MICAL2: variants seen among roughly 807,000 people sequenced by gnomAD.
The protein encoded by MICAL2 is [F-actin]-monooxygenase MICAL2.
A neutral mutation model predicts 127.3 loss-of-function variants in MICAL2; 77 were observed. The observed-to-expected ratio is 0.60, with a 90% confidence interval of 0.50 to 0.73. The LOEUF is 0.73. MICAL2 is among the 30% of genes least tolerant of loss of function. The probability of loss-of-function intolerance (pLI) is 0.00; values close to 1 mark genes in which losing one functional copy is unlikely to be tolerated. For synonymous variants in MICAL2, 570 were observed against 551.1 expected, an observed-to-expected ratio of 1.03 and a Z score of -0.48; for missense variants, 1,351 against 1,434.4, an observed-to-expected ratio of 0.94 and a Z score of 0.94.
intron 1 of MICAL2, among the ~76,000 whole-genome samples, chr11:12,121,305 T>C (rs1408450909): frequency 6.6e-6 from 1 of 152,186 alleles, no homozygotes; most frequent in Non-Finnish European, 1.5e-5. Flanking sequence ...TGAGCTCCTC[T>C]GGGGGCTACT....
rs187439476 is a variant in MICAL2 at position 12,300,235 on chromosome 11, A to G, written c.5212+5378A>G. On this transcript the variant is annotated intron_variant, in intron 29 of 34. Coordinates refer to the MICAL2 transcript ENST00000646065. ...ATTGAACCCAGGAGGCACAGTTTGC[A>G]GTGAGCTGAGATCACATCATTGCCC... Among the ~76,000 whole-genome samples, 10 of 152,288 alleles carry G rather than the reference A, an allele frequency of 6.6e-5. No homozygotes were observed. In the East Asian group the frequency reaches 1.9e-3, roughly 29 times the overall value.
chr11:12,136,288 G>T (rs16910603), intron 1 of MICAL2, among the ~76,000 whole-genome samples: 4,621 of 152,206 alleles, frequency 0.03, 214 homozygotes, highest in African/African-American at 0.1. Context: ...CGTGGACTCA[G>T]GCCAGCTCCA....
chr11:12,350,325 A>G (rs1939024725), intron 33 of MICAL2, among the ~76,000 whole-genome samples: 1 of 152,106 alleles, frequency 6.6e-6, no homozygotes, highest in African/African-American at 2.4e-5. Context: ...CATACCCCTG[A>G]CCACTTCCTG....
At chr11:12,244,834 G>T (rs755169249) in intron 21 of MICAL2, among the ~76,000 whole-genome samples, 3 of 152,192 alleles carry the variant, frequency 2.0e-5, no homozygotes, top group Non-Finnish European at 4.4e-5. Context: ...GGCATGGAGA[G>T]TGGAAGTGAG....
intron 29 of MICAL2, among the ~76,000 whole-genome samples, chr11:12,299,342 G>T (rs543005299): frequency 2.6e-5 from 4 of 151,926 alleles, no homozygotes; most frequent in Non-Finnish European, 5.9e-5. Flanking sequence ...TGTTGCCTCC[G>T]CATTTAACTT....
At chr11:12,343,019 A>G (rs1938894163) in intron 32 of MICAL2, among the ~76,000 whole-genome samples, 1 of 152,240 alleles carries the variant, frequency 6.6e-6, no homozygotes, top group African/African-American at 2.4e-5. Flanking sequence ...GTCGTCCTGA[A>G]CCCAATACTT....
intron 15 of MICAL2, 23 bp downstream of exon 15, chr11:12,227,154 T>C: frequency 6.5e-7 from 1 of 1,533,174 alleles, no homozygotes; most frequent in Non-Finnish European, 9.0e-7. Context: ...CTGGTTTCGG[T>C]TTTATTTCCC....
chr11:12,272,907 C>T (rs1425015348), upstream of MICAL2, among the ~76,000 whole-genome samples: 8 of 152,222 alleles, frequency 5.3e-5, no homozygotes, highest in Admixed American at 2.0e-4. Flanking sequence ...GTCCCATCCA[C>T]GAGTTACCAC....
At chr11:12,344,300 A>G (rs1212635805) in intron 32 of MICAL2, among the ~76,000 whole-genome samples, 1 of 151,984 alleles carries the variant, frequency 6.6e-6, no homozygotes, top group African/African-American at 2.4e-5. Flanking sequence ...GGTCTCAAAA[A>G]AACAAAACAA....
At chr11:12,259,253 T>C (rs1223465989) in intron 25 of MICAL2, among the ~76,000 whole-genome samples, 2 of 152,268 alleles carry the variant, frequency 1.3e-5, no homozygotes, top group East Asian at 3.8e-4. Flanking sequence ...TTTTTTTCTA[T>C]GTGAATGTAT....
chr11:12,297,581 T>C (rs1184530849), intron 29 of MICAL2, among the ~76,000 whole-genome samples: 1 of 152,090 alleles, frequency 6.6e-6, no homozygotes, highest in Non-Finnish European at 1.5e-5. Context: ...ATATAGTAGT[T>C]AGAAAGAGCT....
At chr11:12,188,335 G>T (rs987159723) in intron 3 of MICAL2, among the ~76,000 whole-genome samples, 5 of 152,168 alleles carry the variant, frequency 3.3e-5, no homozygotes, top group Non-Finnish European at 5.9e-5. Context: ...AATTGCACGT[G>T]TGGCTCACCT....
chr11:12,239,756 T>G (rs1859606166), intron 17 of MICAL2, among the ~76,000 whole-genome samples, 171 bp downstream of exon 17: 1 of 152,222 alleles, frequency 6.6e-6, no homozygotes, highest in African/African-American at 2.4e-5. Context: ...AGATAGCAGT[T>G]TTTTAGTGCT....
At chr11:12,222,040 A>G (rs541809140) in intron 10 of MICAL2, among the ~76,000 whole-genome samples, 2 of 152,324 alleles carry the variant, frequency 1.3e-5, no homozygotes, top group East Asian at 3.9e-4. Flanking sequence ...GCTCCCCAGC[A>G]TTGCTCATTC....
At chr11:12,142,826 C>T (rs77613667) in intron 2 of MICAL2, among the ~76,000 whole-genome samples, 195 of 152,336 alleles carry the variant, frequency 1.3e-3, no homozygotes, top group African/African-American at 4.4e-3. Flanking sequence ...AGGACTCAAA[C>T]GCAAGGTATC....
chr11:12,219,551 A>C (rs1418034902), intron 8 of MICAL2, among the ~76,000 whole-genome samples: 2 of 151,052 alleles, frequency 1.3e-5, no homozygotes, highest in Non-Finnish European at 1.5e-5. Context: ...AAAAAAAAAA[A>C]AAAAGCTACG....
In MICAL2 at chr11:12,301,920, G is replaced by A. The variant is rs193093051; in HGVS notation, c.5212+7063G>A. 5.3e-5 allele frequency among the ~76,000 whole-genome samples: 8 copies of A among 152,252 alleles called. No individual in the cohort carries two copies. In the South Asian group the frequency reaches 6.2e-4, roughly 12 times the overall value. On this transcript the variant is annotated intron_variant, in intron 29 of 34. Transcript: ENST00000646065. Reference sequence around the variant, plus strand: ...TAGGAGATACACATATGTCTCAAACGGACAGAGAAAGGATTCATGTTGTAA... The same window carrying A: ...TAGGAGATACACATATGTCTCAAACAGACAGAGAAAGGATTCATGTTGTAA...
chr11:12,119,549 C>G (rs897699999), intron 1 of MICAL2, among the ~76,000 whole-genome samples: 2 of 152,154 alleles, frequency 1.3e-5, no homozygotes, highest in South Asian at 2.1e-4. Flanking sequence ...TTGTCTAGGC[C>G]GAGACAGATG....
intron 29 of MICAL2, among the ~76,000 whole-genome samples, chr11:12,319,160 A>G (rs542765309): frequency 2.0e-5 from 3 of 152,196 alleles, no homozygotes; most frequent in African/African-American, 7.2e-5. Flanking sequence ...TTTTTCTATG[A>G]CCAGACATTC....
Sources: gnomAD v4.1 joint callset for allele counts (sites outside exome capture counted in the v4.1 genomes callset) on GRCh38, gnomAD v4.1.1 for gene constraint, MANE v1.5 for transcripts, NCBI Gene and HGNC (gene_info 2026-07-23, HGNC 2026-07-21) for gene names.